Variants in PHLPP1 observed in about 807,000 individuals in gnomAD.
The protein encoded by PHLPP1 is PH domain and leucine rich repeat protein phosphatase 1, also known as PH domain leucine-rich repeat-containing protein phosphatase 1.
Under a neutral mutation model 117.2 loss-of-function variants are expected in PHLPP1, and 42 were observed. The ratio of observed to expected loss-of-function variants is 0.36; its 90% CI spans 0.28 to 0.46. PHLPP1 has a LOEUF of 0.46. Ranked by LOEUF, PHLPP1 falls within the 20% of genes least tolerant of loss-of-function variation. The probability of loss-of-function intolerance (pLI) is 1.00; values close to 1 mark genes in which losing one functional copy is unlikely to be tolerated. For synonymous variants in PHLPP1, 1,042 were observed against 970.7 expected (o/e 1.07, Z -1.37); for missense variants, 2,084 against 2,241.9 (o/e 0.93, Z 1.42).
chr18:62,895,327 G>C (rs1916530216), intron 5 of PHLPP1, among the ~76,000 whole-genome samples, 170 bp downstream of exon 5: 1 of 152,170 alleles, frequency 6.6e-6, no homozygotes. Flanking sequence ...TGTTGGATTT[G>C]TACTCCTTAC....
intron 1 of PHLPP1, among the ~76,000 whole-genome samples, chr18:62,790,179 G>T (rs1204704789): frequency 6.6e-6 from 1 of 152,146 alleles, no homozygotes; most frequent in Non-Finnish European, 1.5e-5. Context: ...TTAGTGTTTG[G>T]TTGTCAGTCA....
chr18:62,840,602 C>T (rs1214615349), intron 3 of PHLPP1, among the ~76,000 whole-genome samples: 1 of 152,092 alleles, frequency 6.6e-6, no homozygotes, highest in Non-Finnish European at 1.5e-5. Flanking sequence ...GAGTCAATTG[C>T]CTACGCTCTG....
intron 1 of PHLPP1, among the ~76,000 whole-genome samples, chr18:62,812,299 A>C (rs1348587200): frequency 6.6e-6 from 1 of 152,204 alleles, no homozygotes; most frequent in Non-Finnish European, 1.5e-5. Context: ...GTGTATGCTC[A>C]GAAGAAACAC....
chr18:62,787,364 C>T (rs1203332377), intron 1 of PHLPP1, among the ~76,000 whole-genome samples: 1 of 152,110 alleles, frequency 6.6e-6, no homozygotes, highest in African/African-American at 2.4e-5. Context: ...GACGGGTTTT[C>T]GCCATGTTAG....
At position 62,905,172 on chromosome 18, in the gene PHLPP1, C is replaced by CTATG. The variant is rs1916814805; in HGVS notation, c.2648-50_2648-47dup. On this transcript the variant is annotated intron_variant, in intron 7 of 16. Coordinates refer to ENST00000262719, the MANE Select transcript of PHLPP1 (RefSeq NM_194449.4). ...GACGTTCCACATACAAAAAGAGTCT[C>CTATG]TATGTCATTTGTATAGTAATGTCTT... The CTATG allele has an allele frequency of 7.8e-6, 9 of 1,152,774 alleles. No homozygotes were observed. The South Asian group carries it at 1.7e-4, about 22-fold the overall frequency. 71.4% of individuals were successfully genotyped at this position (1,152,774 alleles called of 1,614,324 possible). A position where few individuals can be genotyped will look rare whatever the true frequency, so the allele number is the denominator to read the frequency against.
intron 14 of PHLPP1, among the ~76,000 whole-genome samples, chr18:62,964,773 A>G (rs1910858211): frequency 6.6e-6 from 1 of 152,224 alleles, no homozygotes; most frequent in African/African-American, 2.4e-5. Context: ...TCTTCCTTAC[A>G]AACACCAGTA....
At chr18:62,777,311 C>G (rs973348759) in intron 1 of PHLPP1, among the ~76,000 whole-genome samples, 2 of 152,086 alleles carry the variant, frequency 1.3e-5, no homozygotes, top group South Asian at 2.1e-4. Flanking sequence ...TTTTGAGCAT[C>G]TTTCCATGTG....
intron 10 of PHLPP1, among the ~76,000 whole-genome samples, chr18:62,920,946 T>G (rs1345883039): frequency 1.3e-5 from 2 of 152,244 alleles, no homozygotes; most frequent in Non-Finnish European, 2.9e-5. Context: ...ACAAACAAAA[T>G]TTTCCTAAAT....
chr18:62,758,577 C>A (rs1475499594), intron 1 of PHLPP1, among the ~76,000 whole-genome samples: 2 of 152,152 alleles, frequency 1.3e-5, no homozygotes, highest in Non-Finnish European at 2.9e-5. Context: ...AGTAAAGAGC[C>A]TCTGACACCT....
chr18:62,848,953 A>G (rs1915252649), intron 3 of PHLPP1, among the ~76,000 whole-genome samples: 2 of 152,224 alleles, frequency 1.3e-5, no homozygotes, highest in Non-Finnish European at 1.5e-5. Context: ...ACAAAGATTT[A>G]AATAATAACT....
At chr18:62,799,651 T>C (rs1913720707) in intron 1 of PHLPP1, among the ~76,000 whole-genome samples, 1 of 152,178 alleles carries the variant, frequency 6.6e-6, no homozygotes, top group Non-Finnish European at 1.5e-5. Flanking sequence ...GGCATCTCTC[T>C]CCATTCATCT....
Position 62,895,142 on chromosome 18 carries a change from T to C in PHLPP1, c.2198T>C (p.Val733Ala), listed in dbSNP as rs1358743032. ...CNALRSVPAA[V>A]GVMHNLQTFL... Reference sequence around the variant, plus strand: ...GCCCTGCGATCAGTCCCGGCAGCCGTTGGAGTGATGCACAAGTGTGTACTT... The same window carrying C: ...GCCCTGCGATCAGTCCCGGCAGCCGCTGGAGTGATGCACAAGTGTGTACTT... The change falls in exon 5 of 17, where the codon GTT (valine) becomes GCT (alanine). Residue 733 changes from valine to alanine, a missense_variant. Around this residue, in one of 2 missense-constraint regions of PHLPP1, gnomAD observed 1,365 missense variants for 1,605.9 expected, o/e 0.85. Transcript: ENST00000262719. The C allele has an allele frequency of 6.8e-6, 11 of 1,613,678 alleles. No individual in the cohort carries two copies. The Admixed American group carries it at 1.3e-4, about 20-fold the overall frequency.
At chr18:62,920,216 A>G (rs865980571) in intron 10 of PHLPP1, 102 bp downstream of exon 10, 2 of 1,111,632 alleles carry the variant, frequency 1.8e-6, no homozygotes, top group South Asian at 1.4e-5. Flanking sequence ...CTGAGTATGT[A>G]TCTGTCCCAG....
chr18:62,731,449 G>A (rs1241781273), intron 1 of PHLPP1: 2 of 152,174 alleles, frequency 1.3e-5, no homozygotes, highest in Non-Finnish European at 2.9e-5. Context: ...GCTTGATAAA[G>A]TTGTGTGTGT....
At chr18:62,951,992 T>G (rs1317874440) in intron 12 of PHLPP1, among the ~76,000 whole-genome samples, 2 of 151,018 alleles carry the variant, frequency 1.3e-5, no homozygotes, top group Admixed American at 1.3e-4. Flanking sequence ...TTTTTTGTAT[T>G]TTTTTTTAGT....
chr18:62,865,488 A>C (rs539198858), intron 4 of PHLPP1, among the ~76,000 whole-genome samples: 1 of 152,084 alleles, frequency 6.6e-6, no homozygotes, highest in Non-Finnish European at 1.5e-5. Context: ...TGAGGTTTGA[A>C]ATTATTGGGA....
At chr18:62,786,371 TTTG>T (rs1427682026) in intron 1 of PHLPP1, among the ~76,000 whole-genome samples, 2 of 152,208 alleles carry the variant, frequency 1.3e-5, no homozygotes, top group African/African-American at 2.4e-5. Context: ...GTATCACCAT[TTTG>T]TTGTTGTTAT....
At chr18:62,939,122 C>G (rs1910057940) in intron 10 of PHLPP1, among the ~76,000 whole-genome samples, 1 of 151,648 alleles carries the variant, frequency 6.6e-6, no homozygotes, top group African/African-American at 2.4e-5. Context: ...TCTCGAGTAG[C>G]TGGGATTACA....
intron 9 of PHLPP1, among the ~76,000 whole-genome samples, chr18:62,915,747 G>C (rs1002011408): frequency 6.6e-6 from 1 of 152,188 alleles, no homozygotes; most frequent in Non-Finnish European, 1.5e-5. Context: ...TGATTGAAGT[G>C]CTCTGCATCT....
Sources: allele counts gnomAD v4.1 joint callset (sites outside exome capture counted in the v4.1 genomes callset), GRCh38; gene constraint gnomAD v4.1.1; regional missense constraint gnomAD v4.1.1; transcripts MANE v1.5; gene names NCBI Gene and HGNC (gene_info 2026-07-23, HGNC 2026-07-21).